Variants in SDCCAG8 observed in about 807,000 individuals in gnomAD.
SDCCAG8 encodes SHH signaling and ciliogenesis regulator SDCCAG8.
Under a neutral mutation model 101.8 loss-of-function variants are expected in SDCCAG8, and 74 were observed. The ratio of observed to expected loss-of-function variants is 0.73; its 90% CI spans 0.60 to 0.88. The LOEUF (loss-of-function observed/expected upper bound fraction) is 0.88, where lower values mean the gene tolerates loss of function less well. SDCCAG8 is among the 40% of genes least tolerant of loss of function. SDCCAG8 has a pLI of 0.00. For missense variants in SDCCAG8, 787 were observed against 822.6 expected (o/e 0.96, Z 0.53); for synonymous variants, 281 against 292.9 (o/e 0.96, Z 0.41).
At chr1:243,421,348 G>A (rs1317133880) in intron 15 of SDCCAG8, among the ~76,000 whole-genome samples, 1 of 152,234 alleles carries the variant, frequency 6.6e-6, no homozygotes, top group African/African-American at 2.4e-5. Context: ...AAAGCTGAGA[G>A]CATGGGCTCG....
chr1:243,424,195 A>G lies in SDCCAG8; in HGVS notation c.1854-2232A>G, dbSNP rs75345670. 6.6e-5 allele frequency among the ~76,000 whole-genome samples: 10 copies of G among 152,084 alleles called. No individual in the cohort carries two copies. The East Asian group carries it at 1.9e-3, about 29-fold the overall frequency. Reference sequence around the variant, plus strand: ...TTTTGTAAATAATTTCCTGTTGTTTACATTGATTTTAATTAATAAGCTTTA... The same window carrying G: ...TTTTGTAAATAATTTCCTGTTGTTTGCATTGATTTTAATTAATAAGCTTTA... On this transcript the variant is annotated intron_variant, in intron 15 of 17. Coordinates refer to ENST00000366541, the MANE Select transcript of SDCCAG8 (RefSeq NM_006642.5).
chr1:243,305,126 G>A (rs2071956916), intron 7 of SDCCAG8: 1 of 227,280 alleles, frequency 4.4e-6, no homozygotes, highest in African/African-American at 2.4e-5. Flanking sequence ...CCAACATGGT[G>A]AAACCCCGTT....
At chr1:243,441,929 C>T (rs2148096642) in intron 16 of SDCCAG8, among the ~76,000 whole-genome samples, 1 of 152,040 alleles carries the variant, frequency 6.6e-6, no homozygotes, top group South Asian at 2.1e-4. Context: ...TTCACTGGCC[C>T]AAAGCTTAGT....
chr1:243,439,085 G>A (rs192329505), intron 16 of SDCCAG8, among the ~76,000 whole-genome samples: 38 of 152,282 alleles, frequency 2.5e-4, no homozygotes, highest in African/African-American at 6.5e-4. Flanking sequence ...AAGGTGAGGC[G>A]TGGAAGAATG....
rs78618691 is a variant in SDCCAG8, at chr1:243,481,253, A to T, written c.1986-7761A>T. Among the ~76,000 whole-genome samples, 736 of 152,186 alleles carry T rather than the reference A, an allele frequency of 4.8e-3. 8 individuals are homozygous for T. The highest frequency in any genetic ancestry group is 0.015 in the African/African-American group (631 of 41,496). ...AAGGTCTGATGGAGGAGGAAGAGGGACCAAAGGGGAGTGAGAGACCTGTAC... is the reference window on the plus strand; with the variant it reads ...AAGGTCTGATGGAGGAGGAAGAGGGTCCAAAGGGGAGTGAGAGACCTGTAC... On this transcript the variant is annotated intron_variant, in intron 16 of 17. Transcript: ENST00000366541.
rs191821211 is a variant in SDCCAG8 at position 243,489,095 on chromosome 1, G to A, written c.2067G>A (p.Leu689=). The change falls in exon 17 of 18, where the codon CTG becomes CTA. Residue 689 remains leucine (L), a synonymous_variant. Coordinates refer to ENST00000366541, the MANE Select transcript of SDCCAG8 (RefSeq NM_006642.5). ...QLLSKQNQLL[L]ERQSLSEEVD... ...TCAGCAAGCAGAACCAGCTTCTCCT[G>A]GAGAGGCAGAGCCTGTCGGAAGAGG... The A allele has an allele frequency of 9.8e-5, 158 of 1,613,286 alleles. 1 individual carries two copies. The Admixed American group carries it at 1.7e-3, about 17-fold the overall frequency.
Position 243,323,317 on chromosome 1 carries a change from C to T in SDCCAG8, c.1068+6424C>T, listed in dbSNP as rs146673161. Among the ~76,000 whole-genome samples, 375 of 152,158 alleles carry T rather than the reference C, an allele frequency of 2.5e-3. 1 individual carries two copies. Among genetic ancestry groups the T allele is most frequent in the African/African-American group, 8.5e-3 (353 of 41,508 alleles). ...TGGCACGTCACTTTCTTCGGATGAC[C>T]TACTTCTCACTTTACTAAGATTAGG... is the stretch of plus-strand genomic sequence containing the variant. On this transcript the variant is annotated intron_variant, in intron 9 of 17. Coordinates refer to ENST00000366541, the MANE Select transcript of SDCCAG8 (RefSeq NM_006642.5).
chr1:243,324,690 C>G (rs1199583879), intron 9 of SDCCAG8, among the ~76,000 whole-genome samples: 1 of 152,094 alleles, frequency 6.6e-6, no homozygotes, highest in East Asian at 1.9e-4. Context: ...TGGTTTCCCT[C>G]AAATTTCATC....
At chr1:243,269,334 C>T (rs1379478271) in intron 1 of SDCCAG8, 11 of 143,398 alleles carry the variant, frequency 7.7e-5, no homozygotes, top group East Asian at 2.0e-4. Flanking sequence ...GAAACAGTCT[C>T]GCTCTCTTGC....
intron 17 of SDCCAG8, among the ~76,000 whole-genome samples, chr1:243,495,029 G>A (rs555242417): frequency 1.6e-4 from 24 of 152,340 alleles, no homozygotes; most frequent in African/African-American, 5.8e-4. Context: ...TATTTACCAT[G>A]GAAACATGGT....
At chr1:243,379,315 C>T (rs569631890) in intron 13 of SDCCAG8, among the ~76,000 whole-genome samples, 1 of 152,208 alleles carries the variant, frequency 6.6e-6, no homozygotes, top group Non-Finnish European at 1.5e-5. Flanking sequence ...GAATCTGCAT[C>T]CTAAGGAGGT....
Position 243,414,845 on chromosome 1 carries a change from A to ATGTGTGTG in SDCCAG8, c.1617-834_1617-827dup, listed in dbSNP as rs35826806. ...TTAGAGTTTGAAGAACCATTCTAAT[A>ATGTGTGTG]TGTGTGTGTGTGTGTGTGTGTGTGT... On this transcript the variant is annotated intron_variant, in intron 13 of 17. Coordinates refer to ENST00000366541, the MANE Select transcript of SDCCAG8 (RefSeq NM_006642.5). Among the ~76,000 whole-genome samples the ATGTGTGTG allele has an allele frequency of 5.7e-3, 855 of 148,954 alleles. 6 individuals are homozygous for ATGTGTGTG. The highest frequency in any genetic ancestry group is 0.011 in the African/African-American group (438 of 40,690).
intron 10 of SDCCAG8, among the ~76,000 whole-genome samples, chr1:243,335,132 C>T (rs573470470): frequency 3.4e-4 from 51 of 152,224 alleles, no homozygotes; most frequent in African/African-American, 1.2e-3. Flanking sequence ...AGTCCCTATG[C>T]CATTGGGAAG....
intron 12 of SDCCAG8, among the ~76,000 whole-genome samples, chr1:243,377,790 T>C (rs1014011503): frequency 5.3e-5 from 8 of 151,284 alleles, no homozygotes; most frequent in African/African-American, 1.7e-4. Context: ...TCAAATTTGC[T>C]TCTTGCTTTC....
At chr1:243,299,506 C>T (rs577345833) in intron 6 of SDCCAG8, among the ~76,000 whole-genome samples, 1 of 152,078 alleles carries the variant, frequency 6.6e-6, no homozygotes, top group Non-Finnish European at 1.5e-5. Context: ...CTCTGCCTCC[C>T]AGGTTCCAGC....
intron 5 of SDCCAG8, 124 bp from the exon 6 acceptor site, chr1:243,292,967 C>A: frequency 8.9e-7 from 1 of 1,128,356 alleles, no homozygotes; most frequent in Non-Finnish European, 1.3e-6. Context: ...TGATTCTTGA[C>A]CTGTAGTGTA....
intron 17 of SDCCAG8, among the ~76,000 whole-genome samples, chr1:243,491,116 CAGG>C (rs1666300910): frequency 6.6e-6 from 1 of 152,224 alleles, no homozygotes; most frequent in Non-Finnish European, 1.5e-5. Flanking sequence ...TGGACTAGAT[CAGG>C]AGAACGTGGG....
chr1:243,319,750 C>G (rs1429461470), intron 9 of SDCCAG8, among the ~76,000 whole-genome samples: 6 of 152,110 alleles, frequency 3.9e-5, no homozygotes, highest in Admixed American at 3.9e-4. Flanking sequence ...TTTGAATTTC[C>G]ATGTTGCTGA....
chr1:243,376,510 A>G (rs966635260), intron 12 of SDCCAG8, among the ~76,000 whole-genome samples: 7 of 152,208 alleles, frequency 4.6e-5, no homozygotes, highest in African/African-American at 1.7e-4. Flanking sequence ...ATTTGTACTT[A>G]AAACCTAATT....
Sources: allele counts gnomAD v4.1 joint callset (sites outside exome capture counted in the v4.1 genomes callset), GRCh38; gene constraint gnomAD v4.1.1; transcripts MANE v1.5; gene names NCBI Gene and HGNC (gene_info 2026-07-23, HGNC 2026-07-21).